LRP1B: variants seen among roughly 807,000 people sequenced by gnomAD.
The protein encoded by LRP1B is low-density lipoprotein receptor-related protein 1B.
In LRP1B, 217 loss-of-function variants were observed where a neutral mutation model predicts 556.6. That is an observed-to-expected ratio of 0.39 (90% CI 0.35 to 0.44). LRP1B has a LOEUF of 0.44. Among genes scored for constraint, LRP1B ranks in the 20% least tolerant of loss-of-function variants. The pLI is 1.00. For missense variants in LRP1B, 5,053 were observed against 5,620.8 expected (o/e 0.90, Z 3.23); for synonymous variants, 2,047 against 1,865.8 (o/e 1.10, Z -2.50).
intron 4 of LRP1B, among the ~76,000 whole-genome samples, chr2:141,248,116 A>G (rs530614760): frequency 1.3e-5 from 2 of 152,136 alleles, no homozygotes; most frequent in African/African-American, 4.8e-5. Flanking sequence ...CTACCCCTTC[A>G]TTCTGTTTTC....
At chr2:141,064,652 A>T (rs1366152384) in intron 7 of LRP1B, among the ~76,000 whole-genome samples, 4 of 151,960 alleles carry the variant, frequency 2.6e-5, no homozygotes, top group Non-Finnish European at 5.9e-5. Flanking sequence ...ATAAAGTTGC[A>T]GCTATTGAGT....
intron 57 of LRP1B, among the ~76,000 whole-genome samples, chr2:140,490,975 AC>A (rs1669203098): frequency 6.6e-6 from 1 of 152,134 alleles, no homozygotes; most frequent in South Asian, 2.1e-4. Context: ...CTAAAATGAT[AC>A]CACCAGGAGA....
chr2:142,103,524 T>C (rs374524636), intron 1 of LRP1B, among the ~76,000 whole-genome samples: 1 of 152,106 alleles, frequency 6.6e-6, no homozygotes, highest in South Asian at 2.1e-4. Flanking sequence ...GGACACACTT[T>C]GAGTTTAAAG....
chr2:140,897,261 GCCCTAA>G (rs2105213232), intron 23 of LRP1B, among the ~76,000 whole-genome samples: 1 of 152,168 alleles, frequency 6.6e-6, no homozygotes, highest in South Asian at 2.1e-4. Context: ...ACAAAGTGAA[GCCCTAA>G]GAAGCTACCT....
At chr2:141,770,720 G>A (rs181602758) in intron 2 of LRP1B, among the ~76,000 whole-genome samples, 18 of 152,288 alleles carry the variant, frequency 1.2e-4, no homozygotes, top group East Asian at 1.9e-4. Context: ...GCAGTGAGGC[G>A]CCACCTCCCT....
At chr2:141,312,722 T>A in intron 3 of LRP1B, among the ~76,000 whole-genome samples, 1 of 151,984 alleles carries the variant, frequency 6.6e-6, no homozygotes. Flanking sequence ...GAAGTCTTGC[T>A]CTGCCTCCCA....
intron 41 of LRP1B, among the ~76,000 whole-genome samples, chr2:140,643,564 A>T (rs765468689): frequency 2.0e-5 from 3 of 152,246 alleles, no homozygotes; most frequent in Non-Finnish European, 4.4e-5. Context: ...GAATTTTAAA[A>T]ATATAATGGC....
In LRP1B at chr2:141,107,311, T is replaced by C. The variant is rs16845470; in HGVS notation, c.1014-45038A>G. Among the ~76,000 whole-genome samples the C allele has an allele frequency of 8.3e-3, 1,263 of 152,110 alleles. 18 individuals are homozygous for C. The highest frequency in any genetic ancestry group is 0.023 in the African/African-American group (965 of 41,500). On this transcript the variant is annotated intron_variant, in intron 7 of 90. Coordinates refer to ENST00000389484, the MANE Select transcript of LRP1B (RefSeq NM_018557.3). ...CTATATAATTTTCAAAACAGAAAAA[T>C]TTTAGTATCCATCTTTGAAAGATAA... is the stretch of plus-strand genomic sequence containing the variant.
intron 25 of LRP1B, among the ~76,000 whole-genome samples, chr2:140,874,202 T>TA (rs1693231265): frequency 6.6e-6 from 1 of 152,150 alleles, no homozygotes; most frequent in South Asian, 2.1e-4. Context: ...GGCTTGATAT[T>TA]AAAAAACACA....
At chr2:140,579,782 C>A (rs2105132411) in intron 43 of LRP1B, among the ~76,000 whole-genome samples, 1 of 152,250 alleles carries the variant, frequency 6.6e-6, no homozygotes. Context: ...GCGGGGGTTG[C>A]AGTGAACCGA....
At chr2:140,926,306 C>G (rs777879351) in intron 20 of LRP1B, among the ~76,000 whole-genome samples, 13 of 151,994 alleles carry the variant, frequency 8.6e-5, no homozygotes, top group Non-Finnish European at 1.9e-4. Context: ...CTGGATTGCC[C>G]TCTTGTCTTC....
intron 2 of LRP1B, among the ~76,000 whole-genome samples, chr2:141,677,021 A>G (rs951294092): frequency 6.6e-6 from 1 of 152,176 alleles, no homozygotes; most frequent in Non-Finnish European, 1.5e-5. Context: ...ATAGATTATT[A>G]TATAATTACA....
At chr2:140,945,903 C>A (rs183816032) in intron 20 of LRP1B, among the ~76,000 whole-genome samples, 1 of 152,022 alleles carries the variant, frequency 6.6e-6, no homozygotes, top group African/African-American at 2.4e-5. Flanking sequence ...AAATAAACTG[C>A]CAACAGAGTA....
At chr2:141,219,583 C>A (rs1189859368) in intron 6 of LRP1B, among the ~76,000 whole-genome samples, 1 of 152,178 alleles carries the variant, frequency 6.6e-6, no homozygotes, top group Admixed American at 6.5e-5. Flanking sequence ...CAAGGGGCAG[C>A]CAAGCTGTTT....
At chr2:141,024,600 T>C (rs1698165238) in intron 11 of LRP1B, among the ~76,000 whole-genome samples, 1 of 152,006 alleles carries the variant, frequency 6.6e-6, no homozygotes, top group Non-Finnish European at 1.5e-5. Flanking sequence ...TAATCTAAAA[T>C]GATGAATAAA....
chr2:140,760,108 A>G lies in LRP1B; in HGVS notation c.5758+9105T>C, dbSNP rs75892789. Among the ~76,000 whole-genome samples, 1,032 of 152,296 alleles carry G rather than the reference A, an allele frequency of 6.8e-3. 11 individuals are homozygous for G. The highest frequency in any genetic ancestry group is 0.024 in the Middle Eastern group (7 of 294). ...GAAGCAAATGTGGCAAACTCATGAC[A>G]TGAAAAGCTAGGTACTAATGAAAGA... On this transcript the variant is annotated intron_variant, in intron 35 of 90. Coordinates refer to ENST00000389484, the MANE Select transcript of LRP1B (RefSeq NM_018557.3).
At chr2:140,544,355 A>G (rs10191136) in intron 43 of LRP1B, among the ~76,000 whole-genome samples, 74,125 of 151,058 alleles carry the variant, frequency 0.49, 18,422 homozygotes, top group South Asian at 0.59. Flanking sequence ...TATATGTGCA[A>G]GTTTGTTATA....
intron 1 of LRP1B, among the ~76,000 whole-genome samples, chr2:142,080,506 G>A: frequency 6.6e-6 from 1 of 151,452 alleles, no homozygotes; most frequent in Non-Finnish European, 1.5e-5. Context: ...AATGGAAGTA[G>A]CACAAGGGTT....
At chr2:140,829,589 A>G in intron 31 of LRP1B, among the ~76,000 whole-genome samples, 1 of 152,010 alleles carries the variant, frequency 6.6e-6, no homozygotes, top group East Asian at 1.9e-4. Flanking sequence ...AACAAATAAA[A>G]TTAGAAAAAC....
Sources: allele counts gnomAD v4.1 joint callset (sites outside exome capture counted in the v4.1 genomes callset), GRCh38; gene constraint gnomAD v4.1.1; transcripts MANE v1.5; gene names NCBI Gene and HGNC (gene_info 2026-07-23, HGNC 2026-07-21).